CPQ: variants seen among roughly 807,000 people sequenced by gnomAD.
The protein encoded by CPQ is Ser-Met dipeptidase.
Under a neutral mutation model 45.7 loss-of-function variants are expected in CPQ, and 37 were observed. The observed-to-expected ratio is 0.81, with a 90% CI of 0.62 to 1.07. CPQ has a LOEUF of 1.07. Ranked by LOEUF, CPQ falls within the 50% of genes least tolerant of loss-of-function variation. The pLI is 0.00. For synonymous variants in CPQ, 186 were observed against 205.8 expected (o/e 0.90, Z 0.82); for missense variants, 537 against 572.9 (o/e 0.94, Z 0.64).
intron 1 of CPQ, among the ~76,000 whole-genome samples, chr8:96,730,200 T>C (rs1172099499): frequency 6.6e-6 from 1 of 152,206 alleles, no homozygotes; most frequent in South Asian, 2.1e-4. Context: ...TGCCAGGCCA[T>C]AGATAGCACA....
At chr8:96,947,177 A>G (rs1350281096) in intron 4 of CPQ, among the ~76,000 whole-genome samples, 1 of 152,176 alleles carries the variant, frequency 6.6e-6, no homozygotes, top group Non-Finnish European at 1.5e-5. Flanking sequence ...CTAGAGTGAG[A>G]TATATTGGTA....
intron 3 of CPQ, among the ~76,000 whole-genome samples, chr8:96,873,955 T>C (rs1257206249): frequency 1.3e-5 from 2 of 151,828 alleles, no homozygotes; most frequent in Non-Finnish European, 3.0e-5. Context: ...GGGAGTTTGA[T>C]TGATGTGTGA....
chr8:96,674,665 G>A (rs900095388), intron 1 of CPQ, among the ~76,000 whole-genome samples: 3 of 152,170 alleles, frequency 2.0e-5, no homozygotes, highest in Admixed American at 2.0e-4. Context: ...TGAACAAAAT[G>A]TTTCTTTTGC....
At chr8:96,852,953 C>T (rs1284994206) in intron 3 of CPQ, among the ~76,000 whole-genome samples, 1 of 152,190 alleles carries the variant, frequency 6.6e-6, no homozygotes, top group Non-Finnish European at 1.5e-5. Context: ...ATAGCCAGTA[C>T]TTGTTATTTA....
chr8:96,679,520 T>C (rs557956056), intron 1 of CPQ, among the ~76,000 whole-genome samples: 3 of 152,266 alleles, frequency 2.0e-5, no homozygotes, highest in South Asian at 2.1e-4. Flanking sequence ...TTCATGAGTT[T>C]AGTAGAATTC....
intron 5 of CPQ, among the ~76,000 whole-genome samples, chr8:96,986,652 G>T (rs1192786361): frequency 6.6e-6 from 1 of 152,142 alleles, no homozygotes; most frequent in Non-Finnish European, 1.5e-5. Context: ...TGGGGGCCTG[G>T]GGAAACAGTG....
At chr8:97,070,351 C>T (rs1458650878) in intron 7 of CPQ, among the ~76,000 whole-genome samples, 2 of 152,152 alleles carry the variant, frequency 1.3e-5, no homozygotes, top group African/African-American at 4.8e-5. Context: ...ACACTAGGGG[C>T]TTATGTGCAT....
intron 4 of CPQ, among the ~76,000 whole-genome samples, chr8:96,924,079 A>G (rs991694014): frequency 2.0e-5 from 3 of 152,230 alleles, no homozygotes; most frequent in African/African-American, 7.2e-5. Flanking sequence ...GCCTTCAGGC[A>G]GAAAAGCAGA....
intron 5 of CPQ, among the ~76,000 whole-genome samples, chr8:96,974,087 A>G (rs1347745785): frequency 6.6e-6 from 1 of 152,200 alleles, no homozygotes; most frequent in Non-Finnish European, 1.5e-5. Context: ...CAGAATGGAT[A>G]AGAATGCACC....
At chr8:96,849,219 G>T (rs1811739567) in intron 3 of CPQ, among the ~76,000 whole-genome samples, 1 of 152,144 alleles carries the variant, frequency 6.6e-6, no homozygotes, top group African/African-American at 2.4e-5. Flanking sequence ...GTTCGCAATA[G>T]CATACTCTGA....
At chr8:96,691,793 G>C (rs1193649559) in intron 1 of CPQ, among the ~76,000 whole-genome samples, 2 of 152,130 alleles carry the variant, frequency 1.3e-5, no homozygotes, top group Admixed American at 6.6e-5. Context: ...AGGTTTCTTT[G>C]ATGCTGGTAT....
Position 96,678,495 on chromosome 8 carries a change from G to T in CPQ, c.-35+33093G>T, listed in dbSNP as rs188614404. Among the ~76,000 whole-genome samples, 7 of 152,148 alleles carry T rather than the reference G, an allele frequency of 4.6e-5. No homozygotes were observed. The East Asian group carries it at 1.4e-3, about 29-fold the overall frequency. ...TAGCTTTTTGAGAAACCTCCATGAT[G>T]TGTTTCATCATGGCTGCACTAATTT... On this transcript the variant is annotated intron_variant, in intron 1 of 7. Transcript: ENST00000220763.
Position 97,059,930 on chromosome 8 carries a change from ATAGT to A in CPQ, c.1054-6075_1054-6072del, listed in dbSNP as rs529326278. 1.3e-4 allele frequency among the ~76,000 whole-genome samples: 20 copies of A among 152,306 alleles called. No individual in the cohort carries two copies. In the East Asian group the frequency reaches 3.5e-3, roughly 26 times the overall value. ...TGAGGAGGCTACATGATTAATTCAA[ATAGT>A]TAGGAGTCTCTTTTCTTTCCACTTG... On this transcript the variant is annotated intron_variant, in intron 6 of 7. Transcript: ENST00000220763.
chr8:96,974,519 T>C (rs1351759724), intron 5 of CPQ, among the ~76,000 whole-genome samples: 2 of 152,074 alleles, frequency 1.3e-5, no homozygotes, highest in African/African-American at 4.8e-5. Flanking sequence ...ACAAGTGAAC[T>C]TAACAGATAT....
At chr8:96,891,690 T>A (rs1812378929) in intron 4 of CPQ, among the ~76,000 whole-genome samples, 2 of 152,184 alleles carry the variant, frequency 1.3e-5, no homozygotes, top group Admixed American at 1.3e-4. Flanking sequence ...CAGAGGTCCA[T>A]CCTTAAAATT....
chr8:97,024,935 A>G (rs944406524), intron 5 of CPQ, among the ~76,000 whole-genome samples: 1 of 152,230 alleles, frequency 6.6e-6, no homozygotes, highest in Admixed American at 6.5e-5. Flanking sequence ...CTGCAAAGTT[A>G]GATCACAGAA....
chr8:96,844,687 A>G (rs1811660448), intron 3 of CPQ, among the ~76,000 whole-genome samples: 1 of 152,186 alleles, frequency 6.6e-6, no homozygotes, highest in South Asian at 2.1e-4. Flanking sequence ...CACTGTCATC[A>G]TTAGATAGTG....
chr8:96,834,978 A>G lies in CPQ; in HGVS notation c.439A>G (p.Thr147Ala), dbSNP rs1252779602. Reference protein sequence around the residue: ...SSIGTPPEGITAEVLVVTSFD... With the variant: ...SSIGTPPEGIAAEVLVVTSFD... ...TGCATGACTTTTATTTCTAGGCATT[A>G]CAGCAGAAGTTCTGGTGGTGACCTC... is the stretch of plus-strand genomic sequence containing the variant. Residue 147 changes from threonine to alanine, a missense_variant, in exon 3 of 8, where the codon ACA (threonine) becomes GCA (alanine). Physicochemically the swap from Thr to Ala is moderately conservative, Grantham distance 58. Coordinates refer to ENST00000220763, the MANE Select transcript of CPQ (RefSeq NM_016134.4). The G allele has an allele frequency of 6.2e-7, 1 of 1,611,716 alleles. No homozygotes were observed. Among genetic ancestry groups the G allele is most frequent in the Non-Finnish European group, 8.5e-7 (1 of 1,179,104 alleles).
intron 3 of CPQ, among the ~76,000 whole-genome samples, chr8:96,836,902 C>T (rs1453685078): frequency 1.8e-4 from 27 of 151,902 alleles, no homozygotes; most frequent in Admixed American, 1.8e-3. Flanking sequence ...TTGCTAGCCT[C>T]TAAGACTGAT....
Sources: allele counts gnomAD v4.1 joint callset (sites outside exome capture counted in the v4.1 genomes callset), GRCh38; gene constraint gnomAD v4.1.1; transcripts MANE v1.5; gene names NCBI Gene and HGNC (gene_info 2026-07-23, HGNC 2026-07-21).